The following PDIA4 variants were observed in gnomAD, a reference collection of about 807,000 sequenced individuals.
PDIA4 encodes protein disulfide isomerase family A member 4.
A neutral mutation model predicts 62.1 loss-of-function variants in PDIA4; 33 were observed. That is an observed-to-expected ratio of 0.53 (90% CI 0.40 to 0.71). The LOEUF is 0.71. Ranked by LOEUF, PDIA4 falls within the 30% of genes least tolerant of loss-of-function variation. The pLI, the probability that PDIA4 is intolerant of heterozygous loss-of-function variation, is 0.00. For missense variants in PDIA4, 804 were observed against 813.6 expected (o/e 0.99, Z 0.14); for synonymous variants, 341 against 324.1 (o/e 1.05, Z -0.56).
chr7:149,020,408 AGAG>A (rs1232861510), intron 2 of PDIA4, among the ~76,000 whole-genome samples: 4 of 152,232 alleles, frequency 2.6e-5, no homozygotes. Flanking sequence ...TCAAAACAGT[AGAG>A]GAGAAGGGAT....
At chr7:149,015,741 T>C (rs1824112974) in intron 3 of PDIA4, among the ~76,000 whole-genome samples, 1 of 152,218 alleles carries the variant, frequency 6.6e-6, no homozygotes, top group Non-Finnish European at 1.5e-5. Flanking sequence ...GAGCCAAATC[T>C]ACAGCCACTC....
At chr7:149,007,268 G>T (rs1054319859) in intron 7 of PDIA4, among the ~76,000 whole-genome samples, 1 of 152,168 alleles carries the variant, frequency 6.6e-6, no homozygotes, top group African/African-American at 2.4e-5. Context: ...CCAAGGTACT[G>T]CCATGTTCTG....
At chr7:149,028,275 C>CA (rs1431128500) in intron 1 of PDIA4, 46 bp downstream of exon 1, 21 of 1,408,388 alleles carry the variant, frequency 1.5e-5, no homozygotes, top group Non-Finnish European at 9.6e-6. Flanking sequence ...CACAGCTCTG[C>CA]AGCCCCCGCA....
intron 1 of PDIA4, chr7:149,027,996 T>C (rs994014235): frequency 3.6e-6 from 2 of 550,956 alleles, no homozygotes; most frequent in African/African-American, 3.8e-5. Context: ...CGAAAATCTG[T>C]AAATTAAGGC....
chr7:149,025,070 C>CAA (rs1184341612), intron 1 of PDIA4, among the ~76,000 whole-genome samples: 41 of 70,224 alleles, frequency 5.8e-4, no homozygotes, highest in East Asian at 2.6e-3. Flanking sequence ...AACTCCATCT[C>CAA]AAAAAAAAAA....
In PDIA4 at chr7:149,028,438, C is replaced by A; in HGVS notation, c.-30G>T. ...GCGGGGGCGGAGCGCGGCCTCCTAG[C>A]GTCGGCGGCCGCTGAGCGCACCGAG... On this transcript the variant is annotated 5_prime_UTR_variant, in exon 1 of 10. Coordinates refer to ENST00000652332, the MANE Select transcript of PDIA4 (RefSeq NM_004911.5). The A allele has an allele frequency of 1.4e-6, 2 of 1,413,016 alleles. No individual in the cohort carries two copies. The highest frequency in any genetic ancestry group is 1.9e-6 in the Non-Finnish European group (2 of 1,067,876). The allele number at this position is 1,413,016 out of a possible 1,614,324, so 87.5% of individuals were successfully genotyped here. A position where few individuals can be genotyped will look rare whatever the true frequency, so the allele number is the denominator to read the frequency against.
chr7:149,004,370 C>G (rs910784907), intron 9 of PDIA4, among the ~76,000 whole-genome samples, 161 bp from the exon 10 acceptor site: 1 of 150,298 alleles, frequency 6.7e-6, no homozygotes, highest in African/African-American at 2.5e-5. Context: ...CTACTCTCTA[C>G]TCTCTGTCCT....
chr7:149,026,159 T>C (rs1824547666), intron 1 of PDIA4, among the ~76,000 whole-genome samples: 1 of 152,010 alleles, frequency 6.6e-6, no homozygotes, highest in Non-Finnish European at 1.5e-5. Flanking sequence ...ATAAATCTGT[T>C]GGACAAGTTA....
intron 2 of PDIA4, among the ~76,000 whole-genome samples, chr7:149,020,646 G>A (rs1245478066): frequency 3.9e-5 from 6 of 152,194 alleles, no homozygotes; most frequent in East Asian, 3.8e-4. Flanking sequence ...TAACAAGGAC[G>A]TGTCTGTTAC....
At chr7:149,008,828 T>C (rs1037412059) in intron 6 of PDIA4, among the ~76,000 whole-genome samples, 7 of 152,030 alleles carry the variant, frequency 4.6e-5, no homozygotes, top group Non-Finnish European at 7.4e-5. Flanking sequence ...TGGTACAAGG[T>C]ATAACGTCTA....
intron 2 of PDIA4, 95 bp from the exon 3 acceptor site, chr7:149,019,292 T>C: frequency 5.8e-6 from 5 of 858,364 alleles, no homozygotes; most frequent in Non-Finnish European, 9.7e-6. Flanking sequence ...GGATGTGGTT[T>C]GTCCACACCA....
At chr7:149,011,254 A>T (rs1435099236) in intron 6 of PDIA4, among the ~76,000 whole-genome samples, 2 of 152,186 alleles carry the variant, frequency 1.3e-5, no homozygotes, top group Non-Finnish European at 2.9e-5. Flanking sequence ...CAGGAGCCAG[A>T]CCAAGGCAGA....
In PDIA4 at chr7:149,028,441, C is replaced by G. The variant is rs932207254; in HGVS notation, c.-33G>C. On this transcript the variant is annotated 5_prime_UTR_variant, in exon 1 of 10. Transcript: ENST00000652332. ...GGGGCGGAGCGCGGCCTCCTAGCGT[C>G]GGCGGCCGCTGAGCGCACCGAGAAC... 2.1e-6 allele frequency: 3 copies of G among 1,407,228 alleles called. No individual in the cohort carries two copies. In the South Asian group the frequency reaches 4.1e-5, roughly 19 times the overall value. The allele number at this position is 1,407,228 out of a possible 1,614,324, so 87.2% of individuals were successfully genotyped here. A position where few individuals can be genotyped will look rare whatever the true frequency, so the allele number is the denominator to read the frequency against.
intron 9 of PDIA4, among the ~76,000 whole-genome samples, chr7:149,004,737 C>T (rs1017827423): frequency 9.2e-5 from 14 of 152,222 alleles, no homozygotes; most frequent in African/African-American, 3.1e-4. Flanking sequence ...TGTCTGGGCT[C>T]CATCTTCAGA....
chr7:149,023,518 C>T (rs766004744), intron 1 of PDIA4, among the ~76,000 whole-genome samples: 6 of 151,980 alleles, frequency 3.9e-5, no homozygotes, highest in Non-Finnish European at 5.9e-5. Context: ...CCAGGGGCCC[C>T]GGCTGGCAGT....
chr7:149,023,879 A>G (rs1316337471), intron 1 of PDIA4, among the ~76,000 whole-genome samples: 1 of 152,190 alleles, frequency 6.6e-6, no homozygotes, highest in African/African-American at 2.4e-5. Flanking sequence ...AGCTCTCATG[A>G]TTAAGTGGGA....
At chr7:149,021,259 G>A in intron 1 of PDIA4, 112 bp from the exon 2 acceptor site, 2 of 1,011,876 alleles carry the variant, frequency 2.0e-6, no homozygotes, top group Non-Finnish European at 2.9e-6. Context: ...GGGAGGCTGA[G>A]GTGGGCGGAT....
At chr7:149,014,589 T>C (rs965423074) in intron 4 of PDIA4, among the ~76,000 whole-genome samples, 19 of 152,028 alleles carry the variant, frequency 1.2e-4, no homozygotes, top group African/African-American at 4.6e-4. Flanking sequence ...GCCACCTCAG[T>C]TCCCCAAGCT....
Position 149,028,470 on chromosome 7 carries a change from G to T in PDIA4, c.-62C>A. On this transcript the variant is annotated 5_prime_UTR_variant, in exon 1 of 10. Transcript: ENST00000652332. ...GGCCGCTGAGCGCACCGAGAACTCG[G>T]GGTCTGGCCGACAGCCCGTCGCTCC... 3.4e-6 allele frequency: 4 copies of T among 1,184,686 alleles called. No homozygotes were observed. The highest frequency in any genetic ancestry group is 4.5e-6 in the Non-Finnish European group (4 of 879,652). 73.4% of individuals were successfully genotyped at this position (1,184,686 alleles called of 1,614,324 possible).
Sources: allele counts gnomAD v4.1 joint callset (sites outside exome capture counted in the v4.1 genomes callset), GRCh38; gene constraint gnomAD v4.1.1; transcripts MANE v1.5; gene names NCBI Gene and HGNC (gene_info 2026-07-23, HGNC 2026-07-21).